KCNH1: variants seen among roughly 807,000 people sequenced by gnomAD.
KCNH1 encodes the protein potassium voltage-gated channel subfamily H member 1.
Under a neutral mutation model 69.2 loss-of-function variants are expected in KCNH1, and 27 were observed. The observed-to-expected ratio is 0.39, with a 90% CI of 0.29 to 0.54. The LOEUF is 0.54. KCNH1 is among the 20% of genes least tolerant of loss of function. KCNH1 has a pLI of 0.68. For synonymous variants in KCNH1, 456 were observed against 487.7 expected, an observed-to-expected ratio of 0.93 and a Z score of 0.86; for missense variants, 798 against 1,261.6, an observed-to-expected ratio of 0.63 and a Z score of 5.57.
intron 7 of KCNH1, among the ~76,000 whole-genome samples, chr1:210,856,899 A>AT (rs57245090): frequency 3.3e-5 from 4 of 121,788 alleles, no homozygotes; most frequent in Non-Finnish European, 5.4e-5. Flanking sequence ...ATATATATAT[A>AT]AAATACTCAT....
At chr1:210,903,808 A>C (rs1376452279) in intron 7 of KCNH1, among the ~76,000 whole-genome samples, 1 of 152,154 alleles carries the variant, frequency 6.6e-6, no homozygotes, top group Admixed American at 6.5e-5. Context: ...AGGAAGGGAG[A>C]GATGAAGGTT....
chr1:211,100,451 C>T (rs993001646), intron 3 of KCNH1, among the ~76,000 whole-genome samples: 19 of 152,114 alleles, frequency 1.2e-4, no homozygotes, highest in Non-Finnish European at 2.6e-4. Flanking sequence ...CTCTGGAGTT[C>T]GACAATTCTC....
At chr1:211,079,661 A>T (rs1382588881) in intron 5 of KCNH1, among the ~76,000 whole-genome samples, 2 of 152,252 alleles carry the variant, frequency 1.3e-5, no homozygotes, top group Admixed American at 1.3e-4. Flanking sequence ...GGCTGGTTCA[A>T]CATATGCAAA....
At chr1:210,782,726 C>CA (rs556874852) in intron 9 of KCNH1, among the ~76,000 whole-genome samples, 402 of 143,540 alleles carry the variant, frequency 2.8e-3, no homozygotes, top group African/African-American at 8.2e-3. Context: ...AACTCCGTCT[C>CA]AAAAAAAAAA....
rs1020642954 is a variant in KCNH1, at chr1:210,938,130, C to T, written c.1033-18061G>A. Among the ~76,000 whole-genome samples the T allele has an allele frequency of 5.3e-5, 8 of 152,310 alleles. No homozygotes were observed. The East Asian group carries it at 1.5e-3, about 29-fold the overall frequency. On this transcript the variant is annotated intron_variant, in intron 6 of 10. Coordinates refer to ENST00000271751, the MANE Select transcript of KCNH1 (RefSeq NM_172362.3). ...CCTAACCCCTAACTTGGAGAATGTG[C>T]TCTGGGTCTATAATCTCTCAAGTAC... is the stretch of plus-strand genomic sequence containing the variant.
chr1:210,776,878 T>C (rs1363273420), intron 9 of KCNH1, among the ~76,000 whole-genome samples: 1 of 152,218 alleles, frequency 6.6e-6, no homozygotes, highest in East Asian at 1.9e-4. Context: ...TTAACATATG[T>C]CAAATGCAAA....
chr1:210,852,342 C>G (rs1285095490), intron 7 of KCNH1, among the ~76,000 whole-genome samples: 1 of 152,168 alleles, frequency 6.6e-6, no homozygotes, highest in Non-Finnish European at 1.5e-5. Context: ...CGAGAGAAGG[C>G]TGGAGAGGGA....
chr1:210,702,214 T>C (rs1681798409), intron 10 of KCNH1, among the ~76,000 whole-genome samples: 3 of 152,200 alleles, frequency 2.0e-5, no homozygotes, highest in Non-Finnish European at 4.4e-5. Flanking sequence ...TGTGCTTCAA[T>C]GTGGGTCAAA....
intron 7 of KCNH1, among the ~76,000 whole-genome samples, chr1:210,891,084 C>T (rs997811871): frequency 1.7e-4 from 26 of 152,090 alleles, no homozygotes; most frequent in Middle Eastern, 3.2e-3. Context: ...TAAAGTCACA[C>T]GCACACGTAT....
intron 10 of KCNH1, among the ~76,000 whole-genome samples, chr1:210,759,144 A>G (rs1363409517): frequency 4.8e-5 from 5 of 104,430 alleles, no homozygotes; most frequent in Non-Finnish European, 9.1e-5. Context: ...ATCCAAACCT[A>G]TCCAAATGAT....
chr1:210,750,407 G>A (rs564687967), intron 10 of KCNH1, among the ~76,000 whole-genome samples: 1 of 152,220 alleles, frequency 6.6e-6, no homozygotes, highest in African/African-American at 2.4e-5. Context: ...AATAGACTCA[G>A]CTGCATCGAA....
At chr1:210,723,895 C>T (rs983001457) in intron 10 of KCNH1, among the ~76,000 whole-genome samples, 9 of 152,176 alleles carry the variant, frequency 5.9e-5, no homozygotes, top group East Asian at 1.9e-4. Flanking sequence ...ATCTGTTCTA[C>T]GAGTGAGATG....
intron 7 of KCNH1, among the ~76,000 whole-genome samples, chr1:210,844,779 G>A (rs796728008): frequency 1.3e-5 from 2 of 152,094 alleles, no homozygotes; most frequent in East Asian, 1.9e-4. Context: ...AAAAATCAAC[G>A]AATCCAGAAG....
chr1:210,781,746 G>C (rs1683991575), intron 9 of KCNH1, among the ~76,000 whole-genome samples: 1 of 152,224 alleles, frequency 6.6e-6, no homozygotes, highest in Admixed American at 6.5e-5. Flanking sequence ...GACAAAAAGA[G>C]AATATGCCCA....
intron 6 of KCNH1, among the ~76,000 whole-genome samples, chr1:211,014,384 C>A (rs1374639225): frequency 6.6e-6 from 1 of 152,140 alleles, no homozygotes; most frequent in South Asian, 2.1e-4. Context: ...AACTAATGTG[C>A]AAACATATTC....
intron 10 of KCNH1, among the ~76,000 whole-genome samples, chr1:210,774,516 AC>A (rs1207514796): frequency 6.6e-6 from 1 of 152,128 alleles, no homozygotes; most frequent in Non-Finnish European, 1.5e-5. Context: ...GTAAATAGGA[AC>A]CGTGAGACAG....
intron 1 of KCNH1, among the ~76,000 whole-genome samples, chr1:211,111,311 G>T (rs538037282): frequency 1.3e-5 from 2 of 151,938 alleles, no homozygotes; most frequent in South Asian, 4.2e-4. Context: ...CGGTCCCACC[G>T]TCTGGGAAGT....
chr1:210,896,653 C>T (rs1686874286), intron 7 of KCNH1, among the ~76,000 whole-genome samples: 1 of 152,118 alleles, frequency 6.6e-6, no homozygotes, highest in Non-Finnish European at 1.5e-5. Context: ...AGGCTCTTTC[C>T]AGAACATTCT....
At chr1:210,981,731 G>A (rs1294314591) in intron 6 of KCNH1, among the ~76,000 whole-genome samples, 1 of 152,070 alleles carries the variant, frequency 6.6e-6, no homozygotes, top group Non-Finnish European at 1.5e-5. Context: ...AAACTTCCTG[G>A]CAAACTTGTG....
Sources: gnomAD v4.1 joint callset for allele counts (sites outside exome capture counted in the v4.1 genomes callset) on GRCh38, gnomAD v4.1.1 for gene constraint, MANE v1.5 for transcripts, NCBI Gene and HGNC (gene_info 2026-07-23, HGNC 2026-07-21) for gene names.